KCNAB1: variants seen among roughly 807,000 people sequenced by gnomAD.
The protein encoded by KCNAB1 is voltage-gated potassium channel subunit beta-1.
A neutral mutation model predicts 64.6 loss-of-function variants in KCNAB1; 35 were observed. The ratio of observed to expected loss-of-function variants is 0.54; its 90% confidence interval spans 0.41 to 0.72. The LOEUF (loss-of-function observed/expected upper bound fraction) is 0.72, where lower values mean the gene tolerates loss of function less well. Among genes scored for constraint, KCNAB1 ranks in the 30% least tolerant of loss-of-function variants. The pLI, the probability that KCNAB1 is intolerant of heterozygous loss-of-function variation, is 0.00. For synonymous variants in KCNAB1, 177 were observed against 183.8 expected, an observed-to-expected ratio of 0.96 and a Z score of 0.30; for missense variants, 401 against 512.9, an observed-to-expected ratio of 0.78 and a Z score of 2.11.
chr3:156,187,093 A>G (rs7627649), intron 1 of KCNAB1, among the ~76,000 whole-genome samples: 20,653 of 152,154 alleles, frequency 0.14, 1,532 homozygotes, highest in Non-Finnish European at 0.15. Flanking sequence ...GGCTCAAGCC[A>G]TCCTCCTGCC....
intron 2 of KCNAB1, among the ~76,000 whole-genome samples, chr3:156,427,444 C>T (rs544888235): frequency 6.6e-6 from 1 of 152,292 alleles, no homozygotes; most frequent in African/African-American, 2.4e-5. Flanking sequence ...TGTATGCTCC[C>T]TGAGAGCAGG....
At chr3:156,528,670 G>A (rs1001944953) in intron 12 of KCNAB1, among the ~76,000 whole-genome samples, 1 of 152,174 alleles carries the variant, frequency 6.6e-6, no homozygotes, top group Admixed American at 6.5e-5. Flanking sequence ...GACATTCCAG[G>A]CAAAAGGAAC....
chr3:156,125,322 T>C (rs1713592095), intron 1 of KCNAB1, among the ~76,000 whole-genome samples: 1 of 152,160 alleles, frequency 6.6e-6, no homozygotes, highest in Admixed American at 6.5e-5. Context: ...AACAAAAGTA[T>C]ATACTTCACC....
intron 2 of KCNAB1, among the ~76,000 whole-genome samples, chr3:156,434,286 G>C (rs1416755811): frequency 6.6e-6 from 1 of 152,198 alleles, no homozygotes; most frequent in Non-Finnish European, 1.5e-5. Flanking sequence ...TGAGGGTTGA[G>C]AATAGAGGTG....
At chr3:156,468,906 A>C (rs1234058069) in intron 7 of KCNAB1, among the ~76,000 whole-genome samples, 1 of 152,222 alleles carries the variant, frequency 6.6e-6, no homozygotes. Flanking sequence ...TTACTGCCCT[A>C]GCATTCCTGC....
At chr3:156,516,959 A>G (rs1281272169) in intron 11 of KCNAB1, among the ~76,000 whole-genome samples, 1 of 152,232 alleles carries the variant, frequency 6.6e-6, no homozygotes, top group Non-Finnish European at 1.5e-5. Flanking sequence ...TTGACACAAA[A>G]TTACCTCCAT....
At chr3:156,238,432 A>G (rs541177310) in intron 1 of KCNAB1, among the ~76,000 whole-genome samples, 112 of 151,890 alleles carry the variant, frequency 7.4e-4, no homozygotes, top group African/African-American at 2.7e-3. Flanking sequence ...AAAAAAAAAA[A>G]AAAAAAAAAA....
intron 1 of KCNAB1, among the ~76,000 whole-genome samples, chr3:156,264,637 C>T (rs757844822): frequency 7.9e-5 from 12 of 152,126 alleles, no homozygotes; most frequent in African/African-American, 1.7e-4. Context: ...GTAGAAACTT[C>T]GCTCCAATAT....
At chr3:156,224,208 C>T (rs899093697) in intron 1 of KCNAB1, among the ~76,000 whole-genome samples, 17 of 152,362 alleles carry the variant, frequency 1.1e-4, no homozygotes, top group African/African-American at 2.2e-4. Context: ...GCCAGCCAGC[C>T]GGCCGCTCTG....
intron 1 of KCNAB1, among the ~76,000 whole-genome samples, chr3:156,145,281 A>G (rs1169200111): frequency 6.6e-6 from 1 of 152,228 alleles, no homozygotes; most frequent in Non-Finnish European, 1.5e-5. Context: ...CCAAGGCTCT[A>G]AATTATGATG....
chr3:156,537,203 T>C lies in KCNAB1; in HGVS notation c.*456T>C. On this transcript the variant is annotated 3_prime_UTR_variant, in exon 14 of 14. Coordinates refer to ENST00000490337, the MANE Select transcript of KCNAB1 (RefSeq NM_172160.3). ...GAGATTTTTCTTAGTAAATAGATTA[T>C]TGTTAAGTAAATAGTTATTAAAAAT... The C allele has an allele frequency of 2.5e-6, 1 of 395,994 alleles. No individual in the cohort carries two copies. The highest frequency in any genetic ancestry group is 2.1e-5 in the African/African-American group (1 of 48,278). The allele number at this position is 395,994 out of a possible 1,614,324, so 24.5% of individuals were successfully genotyped here.
intron 12 of KCNAB1, among the ~76,000 whole-genome samples, chr3:156,529,966 C>A (rs1032667455): frequency 1.3e-5 from 2 of 152,150 alleles, no homozygotes; most frequent in Non-Finnish European, 2.9e-5. Flanking sequence ...ACTGTAATCA[C>A]CAGCAGGCTC....
intron 1 of KCNAB1, among the ~76,000 whole-genome samples, chr3:156,274,614 C>T (rs559570928): frequency 6.6e-6 from 1 of 152,094 alleles, no homozygotes; most frequent in East Asian, 1.9e-4. Context: ...TCAAAAGTGT[C>T]TTTGAATATC....
At chr3:156,289,386 T>C (rs1720269424) in intron 1 of KCNAB1, among the ~76,000 whole-genome samples, 1 of 152,240 alleles carries the variant, frequency 6.6e-6, no homozygotes, top group East Asian at 1.9e-4. Context: ...GAGCTGTTCC[T>C]TCTGATTCCT....
chr3:156,240,518 C>A (rs1717101652), intron 1 of KCNAB1, among the ~76,000 whole-genome samples: 1 of 152,094 alleles, frequency 6.6e-6, no homozygotes, highest in Admixed American at 6.5e-5. Flanking sequence ...TTAACCTGTT[C>A]CTTCTAGCAT....
chr3:156,343,727 A>G (rs898227042), intron 1 of KCNAB1, among the ~76,000 whole-genome samples: 2 of 152,234 alleles, frequency 1.3e-5, no homozygotes, highest in Non-Finnish European at 2.9e-5. Context: ...TAATAAACCC[A>G]GGGAACAATC....
chr3:156,250,129 T>C (rs970867345), intron 1 of KCNAB1, among the ~76,000 whole-genome samples: 3 of 152,134 alleles, frequency 2.0e-5, no homozygotes, highest in Non-Finnish European at 2.9e-5. Flanking sequence ...GCTATTAGGA[T>C]TGATCAAGCT....
At position 156,408,642 on chromosome 3, in the gene KCNAB1, TG is replaced by T. The variant is rs535204239; in HGVS notation, c.276-12972del. Among the ~76,000 whole-genome samples, 480 of 152,142 alleles carry T rather than the reference TG, an allele frequency of 3.2e-3. 5 individuals are homozygous for T. The highest frequency in any genetic ancestry group is 0.011 in the African/African-American group (471 of 41,506). Reference sequence around the variant, plus strand: ...TAAAAATACAAAAATTAGCCGGGTGTGGTGGGGCACACCTGTAATCCCAGCT... The same window carrying T: ...TAAAAATACAAAAATTAGCCGGGTGTGTGGGGCACACCTGTAATCCCAGCT... On this transcript the variant is annotated intron_variant, in intron 1 of 13. Coordinates refer to ENST00000490337, the MANE Select transcript of KCNAB1 (RefSeq NM_172160.3).
intron 8 of KCNAB1, among the ~76,000 whole-genome samples, chr3:156,491,499 C>A (rs147069778): frequency 1.4e-4 from 21 of 152,032 alleles, no homozygotes; most frequent in Non-Finnish European, 2.8e-4. Flanking sequence ...AAAGGAAATA[C>A]AATCATTATA....
Sources: gnomAD v4.1 joint callset for allele counts (sites outside exome capture counted in the v4.1 genomes callset) on GRCh38, gnomAD v4.1.1 for gene constraint, MANE v1.5 for transcripts, NCBI Gene and HGNC (gene_info 2026-07-23, HGNC 2026-07-21) for gene names.